The following MBNL2 variants were observed in gnomAD, a reference collection of about 807,000 sequenced individuals.
MBNL2 encodes muscleblind like splicing regulator 2, also known as muscleblind-like protein 2.
Under a neutral mutation model 41.9 loss-of-function variants are expected in MBNL2, and 17 were observed. The ratio of observed to expected loss-of-function variants is 0.41; its 90% confidence interval spans 0.28 to 0.61. The LOEUF is 0.61. Among genes scored for constraint, MBNL2 ranks in the 20% least tolerant of loss-of-function variants. The probability of loss-of-function intolerance (pLI) is 0.35; values close to 1 mark genes in which losing one functional copy is unlikely to be tolerated. For missense variants in MBNL2, 336 were observed against 505.6 expected, an observed-to-expected ratio of 0.66 and a Z score of 3.22; for synonymous variants, 195 against 182.9, an observed-to-expected ratio of 1.07 and a Z score of -0.53.
At chr13:97,336,196 C>T (rs192853490) in intron 3 of MBNL2, among the ~76,000 whole-genome samples, 7 of 152,248 alleles carry the variant, frequency 4.6e-5, no homozygotes, top group Non-Finnish European at 1.5e-5. Flanking sequence ...CACCATTTCT[C>T]TATGAAAAAT....
chr13:97,178,484 T>C, the MBNL2 span, among the ~76,000 whole-genome samples: 1 of 152,230 alleles, frequency 6.6e-6, no homozygotes. Flanking sequence ...ATACAACCAT[T>C]TTGGGAAAAT....
At chr13:97,260,127 A>T (rs1008203558) in intron 1 of MBNL2, among the ~76,000 whole-genome samples, 1 of 152,200 alleles carries the variant, frequency 6.6e-6, no homozygotes, top group Non-Finnish European at 1.5e-5. Flanking sequence ...GGTAAGACTG[A>T]TGCAATATTA....
At chr13:97,180,518 C>T in the MBNL2 span, among the ~76,000 whole-genome samples, 1 of 151,878 alleles carries the variant, frequency 6.6e-6, no homozygotes, top group African/African-American at 2.4e-5. Flanking sequence ...AAGCAGATCA[C>T]GAGGTCAGGA....
chr13:97,174,019 C>G, the MBNL2 span, among the ~76,000 whole-genome samples: 1 of 152,138 alleles, frequency 6.6e-6, no homozygotes, highest in Non-Finnish European at 1.5e-5. Context: ...TCTTTAAAGG[C>G]AAGAGCCAGA....
the MBNL2 span, among the ~76,000 whole-genome samples, chr13:97,163,233 A>G: frequency 6.6e-6 from 1 of 152,160 alleles, no homozygotes; most frequent in African/African-American, 2.4e-5. Flanking sequence ...TCTCCAGGCT[A>G]TAATATTTGT....
At chr13:97,285,610 A>G (rs370891000) in intron 2 of MBNL2, among the ~76,000 whole-genome samples, 131 of 152,354 alleles carry the variant, frequency 8.6e-4, no homozygotes, top group African/African-American at 3.0e-3. Context: ...AGTCCAAATA[A>G]AACACATCTT....
In MBNL2 at chr13:97,391,409, C is replaced by G; in HGVS notation, c.1136C>G (p.Pro379Arg). 6.5e-7 allele frequency: 1 copy of G among 1,545,466 alleles called. No individual in the cohort carries two copies. Among genetic ancestry groups the G allele is most frequent in the Non-Finnish European group, 8.9e-7 (1 of 1,117,698 alleles). Residue 379 changes from proline to arginine, a missense_variant, in exon 9 of 9, where the codon CCT becomes CGT. Coordinates refer to ENST00000679496, the MANE Select transcript of MBNL2 (RefSeq NM_001382683.1). The stretch of plus-strand genomic sequence containing the variant: ...AAACATTGTTACTGTACATACTATC[C>G]TGTTTCCTCCTCAATAGAATTGCCA... ...ITKHCYCTYY[P>R]VSSSIELPQT...
chr13:97,231,900 T>A (rs2042433501), intron 1 of MBNL2, among the ~76,000 whole-genome samples: 1 of 152,152 alleles, frequency 6.6e-6, no homozygotes, highest in Admixed American at 6.5e-5. Flanking sequence ...AGAAGTCTGA[T>A]GTGCCTACTT....
chr13:97,206,137 A>G, the MBNL2 span, among the ~76,000 whole-genome samples: 645 of 152,322 alleles, frequency 4.2e-3, 22 homozygotes, highest in Admixed American at 0.04. Context: ...TATCAGTCAT[A>G]TCTACAGTAA....
At chr13:97,290,753 G>A (rs550531710) in intron 2 of MBNL2, among the ~76,000 whole-genome samples, 2 of 151,968 alleles carry the variant, frequency 1.3e-5, no homozygotes, top group South Asian at 4.2e-4. Context: ...TACCTACTAT[G>A]AGAATTACTA....
the MBNL2 span, among the ~76,000 whole-genome samples, chr13:97,149,723 C>T: frequency 3.3e-5 from 5 of 152,164 alleles, no homozygotes; most frequent in Admixed American, 3.3e-4. Flanking sequence ...TTGGGACCTG[C>T]AGATTTCTAA....
At chr13:97,196,417 G>T in the MBNL2 span, among the ~76,000 whole-genome samples, 1 of 152,252 alleles carries the variant, frequency 6.6e-6, no homozygotes, top group African/African-American at 2.4e-5. Flanking sequence ...CAATTTAAAT[G>T]GTTCAGAAAA....
rs1247322410 is a variant in MBNL2 at position 97,321,599 on chromosome 13, T to C, written c.175-12677T>C. 5.3e-5 allele frequency among the ~76,000 whole-genome samples: 8 copies of C among 152,232 alleles called. No homozygotes were observed. The East Asian group carries it at 1.3e-3, about 26-fold the overall frequency. On this transcript the variant is annotated intron_variant, in intron 2 of 8. Coordinates refer to ENST00000679496, the MANE Select transcript of MBNL2 (RefSeq NM_001382683.1). ...GTGAGGGAAGAGCAGTATTTAGCCC[T>C]GGTTGACTTTAACAACATGACCTGG...
intron 8 of MBNL2, among the ~76,000 whole-genome samples, chr13:97,387,179 A>C (rs1468109399): frequency 1.3e-5 from 2 of 151,986 alleles, no homozygotes; most frequent in Non-Finnish European, 2.9e-5. Flanking sequence ...TTGAGGCAAT[A>C]GTCTCCCAGG....
chr13:97,270,624 C>G (rs1243547211), intron 1 of MBNL2, among the ~76,000 whole-genome samples: 1 of 152,128 alleles, frequency 6.6e-6, no homozygotes, highest in Non-Finnish European at 1.5e-5. Context: ...GTTTCACTAG[C>G]CACAATTCAG....
chr13:97,246,275 T>TCACACA (rs34830044), intron 1 of MBNL2, among the ~76,000 whole-genome samples: 164 of 145,900 alleles, frequency 1.1e-3, no homozygotes, highest in South Asian at 3.3e-3. Context: ...TACTGTTATT[T>TCACACA]CACACACACA....
At chr13:97,348,354 C>T (rs1339773087) in intron 5 of MBNL2, among the ~76,000 whole-genome samples, 3 of 152,200 alleles carry the variant, frequency 2.0e-5, no homozygotes, top group South Asian at 2.1e-4. Flanking sequence ...AGCTACCATA[C>T]CTGGCGACAG....
chr13:97,369,595 C>T (rs9516919), intron 8 of MBNL2, among the ~76,000 whole-genome samples: 60,180 of 152,004 alleles, frequency 0.4, 12,221 homozygotes, highest in African/African-American at 0.48. Context: ...TAAAATCTCA[C>T]AGGCATTTGT....
At chr13:97,293,278 G>C (rs1470120608) in intron 2 of MBNL2, among the ~76,000 whole-genome samples, 4 of 152,008 alleles carry the variant, frequency 2.6e-5, no homozygotes, top group Admixed American at 2.6e-4. Flanking sequence ...TAGTTTGCTT[G>C]ACTGCCTCAG....
Sources: gnomAD v4.1 joint callset for allele counts (sites outside exome capture counted in the v4.1 genomes callset) on GRCh38, gnomAD v4.1.1 for gene constraint, MANE v1.5 for transcripts, NCBI Gene and HGNC (gene_info 2026-07-23, HGNC 2026-07-21) for gene names.